NYAP2: variants seen among roughly 807,000 people sequenced by gnomAD.
NYAP2 encodes the protein neuronal tyrosine-phosphorylated phosphoinositide-3-kinase adapter 2.
NYAP2 carries 23 observed loss-of-function variants against 50.4 expected under a neutral mutation model. The observed-to-expected ratio is 0.46, with a 90% CI of 0.33 to 0.65. NYAP2 has a LOEUF of 0.65. Among genes scored for constraint, NYAP2 ranks in the 30% least tolerant of loss-of-function variants. The pLI is 0.02. For synonymous variants in NYAP2, 394 were observed against 365.2 expected (o/e 1.08, Z -0.90); for missense variants, 885 against 861.0 (o/e 1.03, Z -0.35).
At chr2:225,588,538 A>G (rs1252336712) in intron 5 of NYAP2, among the ~76,000 whole-genome samples, 1 of 152,194 alleles carries the variant, frequency 6.6e-6, no homozygotes, top group African/African-American at 2.4e-5. Context: ...TGCTCCAACT[A>G]ACTCTTACTA....
At chr2:225,525,814 A>G (rs148657949) in intron 4 of NYAP2, among the ~76,000 whole-genome samples, 232 of 152,276 alleles carry the variant, frequency 1.5e-3, no homozygotes, top group African/African-American at 5.4e-3. Context: ...AATACTCACC[A>G]TATGTGGTAG....
chr2:225,480,131 C>T (rs924816869), intron 3 of NYAP2, among the ~76,000 whole-genome samples: 26 of 151,974 alleles, frequency 1.7e-4, no homozygotes, highest in African/African-American at 6.3e-4. Flanking sequence ...CAGCCTGAGA[C>T]ATTTTTAATT....
At chr2:225,606,532 A>G (rs369773281) in intron 5 of NYAP2, among the ~76,000 whole-genome samples, 2 of 152,270 alleles carry the variant, frequency 1.3e-5, no homozygotes, top group East Asian at 3.9e-4. Flanking sequence ...TAAAATGTCT[A>G]TTCACAGAGT....
intron 3 of NYAP2, among the ~76,000 whole-genome samples, chr2:225,424,811 A>T (rs1439616445): frequency 6.6e-6 from 1 of 152,188 alleles, no homozygotes; most frequent in Non-Finnish European, 1.5e-5. Context: ...AGGTCAAGAA[A>T]TGTTAGCCCG....
Position 225,611,292 on chromosome 2 carries a change from T to C in NYAP2, c.1619-15625T>C, listed in dbSNP as rs1464368734. 5.9e-5 allele frequency among the ~76,000 whole-genome samples: 9 copies of C among 151,998 alleles called. No homozygotes were observed. In the East Asian group the frequency reaches 1.7e-3, roughly 29 times the overall value. Reference sequence around the variant, plus strand: ...AGTGATCTTTTACAAATCTTAATCATGTGTGTGTGTGTTTTCCATGTATCC... The same window carrying C: ...AGTGATCTTTTACAAATCTTAATCACGTGTGTGTGTGTTTTCCATGTATCC... On this transcript the variant is annotated intron_variant, in intron 5 of 6. Coordinates refer to ENST00000636099, the Ensembl canonical transcript of NYAP2.
intron 4 of NYAP2, among the ~76,000 whole-genome samples, chr2:225,567,363 G>C (rs1352065165): frequency 6.6e-6 from 1 of 151,948 alleles, no homozygotes; most frequent in Non-Finnish European, 1.5e-5. Context: ...ATATAAGAAA[G>C]AGATTTGAAA....
intron 4 of NYAP2, among the ~76,000 whole-genome samples, chr2:225,562,519 A>T (rs1160054549): frequency 6.6e-6 from 1 of 152,098 alleles, no homozygotes; most frequent in East Asian, 1.9e-4. Context: ...TTTGATTGCA[A>T]AGGATCCATA....
intron 4 of NYAP2, among the ~76,000 whole-genome samples, chr2:225,554,408 C>T (rs1309577476): frequency 1.3e-5 from 2 of 151,794 alleles, no homozygotes; most frequent in East Asian, 3.9e-4. Context: ...GAAACCTCTG[C>T]CTCCCAGGTT....
chr2:225,538,673 G>T (rs1472665257), intron 4 of NYAP2, among the ~76,000 whole-genome samples: 2 of 152,316 alleles, frequency 1.3e-5, no homozygotes, highest in Admixed American at 6.5e-5. Flanking sequence ...TTTCCCCATT[G>T]TCTTGGGGAT....
chr2:225,610,316 C>T (rs1399732246), intron 5 of NYAP2, among the ~76,000 whole-genome samples: 1 of 152,056 alleles, frequency 6.6e-6, no homozygotes, highest in Admixed American at 6.6e-5. Flanking sequence ...GTTGGGTGCT[C>T]ATGTGACCTT....
chr2:225,590,519 T>C (rs1168401649), intron 5 of NYAP2, among the ~76,000 whole-genome samples: 1 of 152,218 alleles, frequency 6.6e-6, no homozygotes, highest in East Asian at 1.9e-4. Context: ...GTTGACTGTT[T>C]AATGATAATC....
At chr2:225,446,112 C>T (rs943816844) in intron 3 of NYAP2, among the ~76,000 whole-genome samples, 9 of 151,262 alleles carry the variant, frequency 5.9e-5, no homozygotes, top group East Asian at 5.8e-4. Context: ...ACCCGGGAGG[C>T]GGAGGTTGCA....
At chr2:225,409,430 A>G (rs1694995899) in intron 3 of NYAP2, among the ~76,000 whole-genome samples, 2 of 152,100 alleles carry the variant, frequency 1.3e-5, no homozygotes, top group Admixed American at 1.3e-4. Flanking sequence ...TTAATAGCCC[A>G]AGATTGATGA....
intron 2 of NYAP2, among the ~76,000 whole-genome samples, chr2:225,404,542 T>G (rs1320792953): frequency 6.6e-6 from 1 of 151,974 alleles, no homozygotes; most frequent in East Asian, 1.9e-4. Flanking sequence ...CAATAAACAG[T>G]TAAATGCTTA....
the NYAP2 span, among the ~76,000 whole-genome samples, chr2:225,660,740 G>T: frequency 6.6e-6 from 1 of 152,114 alleles, no homozygotes. Context: ...TGTATGCGTT[G>T]TTTGGGATAA....
intron 4 of NYAP2, among the ~76,000 whole-genome samples, chr2:225,555,896 A>T (rs1292978411): frequency 6.6e-6 from 1 of 152,156 alleles, no homozygotes; most frequent in Non-Finnish European, 1.5e-5. Flanking sequence ...TCTAAATATT[A>T]GTTAAGTTGT....
At chr2:225,605,531 T>G (rs1395925908) in intron 5 of NYAP2, among the ~76,000 whole-genome samples, 1 of 152,084 alleles carries the variant, frequency 6.6e-6, no homozygotes. Flanking sequence ...CTGAAGTAGC[T>G]AAGTAAAAAA....
intron 3 of NYAP2, among the ~76,000 whole-genome samples, chr2:225,505,683 G>T (rs1311572718): frequency 6.6e-6 from 1 of 152,152 alleles, no homozygotes; most frequent in Non-Finnish European, 1.5e-5. Flanking sequence ...AGTAACTACT[G>T]TCTGCAGATT....
chr2:225,570,635 T>A (rs2106221580), intron 4 of NYAP2, among the ~76,000 whole-genome samples: 1 of 152,294 alleles, frequency 6.6e-6, no homozygotes, highest in Admixed American at 6.5e-5. Flanking sequence ...CCCCCAATAT[T>A]CAATTACTTC....
Sources: allele counts gnomAD v4.1 joint callset (sites outside exome capture counted in the v4.1 genomes callset), GRCh38; gene constraint gnomAD v4.1.1; transcripts MANE v1.5; gene names NCBI Gene and HGNC (gene_info 2026-07-23, HGNC 2026-07-21).